PREP: variants seen among roughly 807,000 people sequenced by gnomAD.
PREP encodes the protein prolyl endopeptidase, also known as dJ355L5.1 (prolyl endopeptidase).
Under a neutral mutation model 87.6 loss-of-function variants are expected in PREP, and 29 were observed. That is an observed-to-expected ratio of 0.33 (90% CI 0.25 to 0.45). The LOEUF (loss-of-function observed/expected upper bound fraction) is 0.45. PREP is among the 20% of genes least tolerant of loss of function. PREP has a pLI of 1.00. For missense variants in PREP, 695 were observed against 886.5 expected, an observed-to-expected ratio of 0.78 and a Z score of 2.74; for synonymous variants, 337 against 328.6, an observed-to-expected ratio of 1.03 and a Z score of -0.28.
chr6:105,385,740 G>A (rs901386566), intron 2 of PREP, among the ~76,000 whole-genome samples: 1 of 152,160 alleles, frequency 6.6e-6, no homozygotes, highest in African/African-American at 2.4e-5. Context: ...TTTGCTAAAT[G>A]GCTCAAAAAC....
At chr6:105,402,115 A>G (rs1198245824) in intron 1 of PREP, among the ~76,000 whole-genome samples, 2 of 152,172 alleles carry the variant, frequency 1.3e-5, no homozygotes, top group African/African-American at 4.8e-5. Flanking sequence ...CTCCGCCACT[A>G]GACAAAACTT....
At chr6:105,285,734 A>G (rs570839331) in intron 11 of PREP, among the ~76,000 whole-genome samples, 154 bp from the exon 12 acceptor site, 1 of 152,308 alleles carries the variant, frequency 6.6e-6, no homozygotes, top group Admixed American at 6.5e-5. Context: ...GATTAAAGTG[A>G]AAAACACATA....
chr6:105,331,655 T>C (rs1341751132), intron 8 of PREP, among the ~76,000 whole-genome samples: 1 of 152,142 alleles, frequency 6.6e-6, no homozygotes, highest in East Asian at 1.9e-4. Flanking sequence ...TAGGGGGACA[T>C]CCCTGCCTCA....
At chr6:105,311,388 A>G (rs1480527077) in intron 10 of PREP, among the ~76,000 whole-genome samples, 1 of 151,806 alleles carries the variant, frequency 6.6e-6, no homozygotes, top group East Asian at 1.9e-4. Flanking sequence ...GTCCTCTCTG[A>G]GACCAAGTGC....
At chr6:105,323,866 A>AGAG in intron 9 of PREP, 98 bp from the exon 10 acceptor site, 1 of 1,011,176 alleles carries the variant, frequency 9.9e-7, no homozygotes, top group Non-Finnish European at 1.5e-6. Flanking sequence ...CAATGGCAAG[A>AGAG]GAGGATCATT....
At chr6:105,372,433 G>A (rs934160922) in intron 5 of PREP, among the ~76,000 whole-genome samples, 6 of 152,156 alleles carry the variant, frequency 3.9e-5, no homozygotes, top group Non-Finnish European at 7.4e-5. Flanking sequence ...ACAAGAAAAT[G>A]CTACATACCA....
intron 8 of PREP, among the ~76,000 whole-genome samples, chr6:105,330,483 G>A (rs1368573552): frequency 6.6e-6 from 1 of 152,192 alleles, no homozygotes; most frequent in Non-Finnish European, 1.5e-5. Context: ...AGCGTTCAGT[G>A]ACAGAGCTGG....
Position 105,273,316 on chromosome 6 carries a change from G to T in PREP, c.*4828C>A, listed in dbSNP as rs1247241595. On this transcript the variant is annotated 3_prime_UTR_variant, in exon 15 of 15. Coordinates refer to ENST00000652536, the MANE Select transcript of PREP (RefSeq NM_002726.5). ...ATACATTTCAAGTGTACAATTCAATGACTTTTTAATACATTTACCAGGTTG... is the reference window on the plus strand; with the variant it reads ...ATACATTTCAAGTGTACAATTCAATTACTTTTTAATACATTTACCAGGTTG... The T allele has an allele frequency of 6.6e-6, 1 of 152,110 alleles. No homozygotes were observed. Among genetic ancestry groups the T allele is most frequent in the African/African-American group, 2.4e-5 (1 of 41,414 alleles). 9.4% of individuals were successfully genotyped at this position (152,110 alleles called of 1,614,324 possible).
intron 8 of PREP, among the ~76,000 whole-genome samples, chr6:105,331,364 T>C (rs13208259): frequency 1.3e-5 from 2 of 152,216 alleles, no homozygotes; most frequent in South Asian, 4.1e-4. Flanking sequence ...ATCTATAAGA[T>C]GGGATGTCAC....
chr6:105,333,392 C>A lies in PREP; in HGVS notation c.937G>T (p.Val313Leu). The A allele has an allele frequency of 6.2e-7, 1 of 1,614,164 alleles. No homozygotes were observed. Among genetic ancestry groups the A allele is most frequent in the South Asian group, 1.1e-5 (1 of 91,088 alleles). ...GGATCCCTGAAGTCAATGTTGATCACGCGATAGTTGGGAGACTGGCGATTC... is the reference window on the plus strand; with the variant it reads ...GGATCCCTGAAGTCAATGTTGATCAAGCGATAGTTGGGAGACTGGCGATTC... Reference protein sequence around the residue: ...KTNRQSPNYRVINIDFRDPEE... With the variant: ...KTNRQSPNYRLINIDFRDPEE... The change falls in exon 8 of 15, where the codon GTG becomes TTG. Residue 313 changes from valine (V) to leucine (L), a missense_variant. Around this residue, in one of 5 missense-constraint regions of PREP, gnomAD observed 517 missense variants for 620.3 expected, o/e 0.83. Coordinates refer to ENST00000652536, the MANE Select transcript of PREP (RefSeq NM_002726.5).
chr6:105,309,534 G>A (rs867425963), intron 10 of PREP, among the ~76,000 whole-genome samples: 3 of 152,186 alleles, frequency 2.0e-5, no homozygotes, highest in Middle Eastern at 3.4e-3. Context: ...ATTTTTAGTA[G>A]AGATGGGGTT....
In PREP at chr6:105,281,766, T is replaced by G. The variant is rs757313979; in HGVS notation, c.1818A>C (p.Gln606His). Residue 606 changes from glutamine to histidine, a missense_variant, in exon 14 of 15, where the codon CAA becomes CAC. Physicochemically the swap from Gln to His is conservative, Grantham distance 24. This residue lies in a region of PREP where 121 missense variants were observed against 154.8 expected (regional missense o/e 0.78). Transcript: ENST00000652536. ...TTDYGCSDSK[Q>H]HFEWLVKYSP... ...CTTACTTGACAAGCCATTCAAAGTG[T>G]TGTTTGCTGTCCGAGCACCCATAAT... is the stretch of plus-strand genomic sequence containing the variant. 6 of 1,613,742 alleles carry G rather than the reference T, an allele frequency of 3.7e-6. No individual in the cohort carries two copies. Among genetic ancestry groups the G allele is most frequent in the East Asian group, 2.2e-5 (1 of 44,874 alleles).
rs11354337 is a variant in PREP at position 105,385,283 on chromosome 6, T to TAA, written c.121-7766_121-7765dup. Among the ~76,000 whole-genome samples the TAA allele has an allele frequency of 2.6e-3, 319 of 122,628 alleles. 1 individual carries two copies. The highest frequency in any genetic ancestry group is 3.7e-3 in the Admixed American group (44 of 12,038). 80.4% of individuals were successfully genotyped at this position (122,628 alleles called of 152,430 possible). The stretch of plus-strand genomic sequence containing the variant: ...AAACTTAGACTTCCTAGATCTGCTT[T>TAA]AAAAAAAAAAAAAAAAAAAGAAAAA... On this transcript the variant is annotated intron_variant, in intron 2 of 14. Transcript: ENST00000652536.
chr6:105,331,276 T>C (rs1304721519), intron 8 of PREP, among the ~76,000 whole-genome samples: 3 of 152,212 alleles, frequency 2.0e-5, no homozygotes, highest in Non-Finnish European at 4.4e-5. Context: ...GAAAATCTTA[T>C]AACCTTTCAG....
rs1769900922 is a variant in PREP, at chr6:105,274,687, G to A, written c.*3457C>T. ...GAAGGCTGAGGCAGGAGAATCACGT[G>A]AACCCAAGAGGTGGAGGTTGCAGTA... On this transcript the variant is annotated 3_prime_UTR_variant, in exon 15 of 15. Transcript: ENST00000652536. Among the ~76,000 whole-genome samples, 1 of 152,160 alleles carries A rather than the reference G, an allele frequency of 6.6e-6. No individual in the cohort carries two copies. Among genetic ancestry groups the A allele is most frequent in the South Asian group, 2.1e-4 (1 of 4,826 alleles).
chr6:105,394,680 C>G lies in PREP; in HGVS notation c.120+3173G>C, dbSNP rs7765750. 2.3e-3 allele frequency among the ~76,000 whole-genome samples: 348 copies of G among 152,308 alleles called. 4 individuals carry two copies. The highest frequency in any genetic ancestry group is 8.2e-3 in the African/African-American group (342 of 41,566). The stretch of plus-strand genomic sequence containing the variant: ...TTTAGCCAGGCATGGTGGTGTGCGC[C>G]TGTAGTCCCAGCTACTTGGGAGGCT... On this transcript the variant is annotated intron_variant, in intron 2 of 14. Coordinates refer to ENST00000652536, the MANE Select transcript of PREP (RefSeq NM_002726.5).
At chr6:105,354,500 G>A (rs1034745039) in intron 6 of PREP, among the ~76,000 whole-genome samples, 2 of 147,604 alleles carry the variant, frequency 1.4e-5, no homozygotes, top group Admixed American at 1.4e-4. Context: ...ATATTTGGAT[G>A]TTAGTTTAGA....
At chr6:105,382,978 C>T (rs939258148) in intron 2 of PREP, among the ~76,000 whole-genome samples, 7 of 152,098 alleles carry the variant, frequency 4.6e-5, no homozygotes, top group East Asian at 1.9e-4. Flanking sequence ...AAGGCATGGG[C>T]GGCACACTTG....
At chr6:105,383,904 A>G (rs1277120998) in intron 2 of PREP, among the ~76,000 whole-genome samples, 1 of 152,116 alleles carries the variant, frequency 6.6e-6, no homozygotes, top group Non-Finnish European at 1.5e-5. Context: ...ACCTAACTAA[A>G]TATCTGATCG....
Sources: gnomAD v4.1 joint callset for allele counts (sites outside exome capture counted in the v4.1 genomes callset) on GRCh38, gnomAD v4.1.1 for gene constraint, gnomAD v4.1.1 regional missense constraint, MANE v1.5 for transcripts, NCBI Gene and HGNC (gene_info 2026-07-23, HGNC 2026-07-21) for gene names.